The following EBF2 variants were observed in gnomAD, a reference collection of about 807,000 sequenced individuals.
EBF2 encodes EBF transcription factor 2, also known as transcription factor COE2.
A neutral mutation model predicts 72.8 loss-of-function variants in EBF2; 21 were observed. The ratio of observed to expected loss-of-function variants is 0.29; its 90% CI spans 0.20 to 0.42. EBF2 has a LOEUF of 0.42. Among genes scored for constraint, EBF2 ranks in the 10% least tolerant of loss-of-function variants. EBF2 has a pLI of 1.00. For missense variants in EBF2, 637 were observed against 731.2 expected (o/e 0.87, Z 1.49); for synonymous variants, 299 against 274.2 (o/e 1.09, Z -0.89).
intron 14 of EBF2, 107 bp from the exon 15 acceptor site, chr8:25,850,868 G>T: frequency 1.6e-6 from 2 of 1,273,844 alleles, no homozygotes; most frequent in Non-Finnish European, 2.1e-6. Context: ...CATTGTTCCA[G>T]ATTGCAGGGA....
intron 5 of EBF2, among the ~76,000 whole-genome samples, chr8:26,034,556 G>A (rs1805465470): frequency 6.6e-6 from 1 of 152,212 alleles, no homozygotes; most frequent in African/African-American, 2.4e-5. Flanking sequence ...ACAAATGTGA[G>A]AAGGGCAAAG....
chr8:25,906,929 A>G (rs751492991), intron 7 of EBF2, among the ~76,000 whole-genome samples: 18 of 152,068 alleles, frequency 1.2e-4, no homozygotes, highest in Non-Finnish European at 2.6e-4. Flanking sequence ...TGATGGGGTT[A>G]AAAAATACTA....
At chr8:25,862,181 G>C (rs1228054001) in intron 11 of EBF2, among the ~76,000 whole-genome samples, 1 of 152,120 alleles carries the variant, frequency 6.6e-6, no homozygotes, top group Non-Finnish European at 1.5e-5. Flanking sequence ...CTAATAAATT[G>C]ATGTACTTTT....
intron 10 of EBF2, among the ~76,000 whole-genome samples, chr8:25,874,423 GT>G (rs35644463): frequency 0.26 from 39,997 of 151,590 alleles, 5,672 homozygotes; most frequent in South Asian, 0.4. Context: ...AAAAAAAATT[GT>G]TTTTTTGCCA....
chr8:25,978,892 G>C (rs1390382679), intron 6 of EBF2, among the ~76,000 whole-genome samples: 1 of 152,176 alleles, frequency 6.6e-6, no homozygotes, highest in Admixed American at 6.5e-5. Flanking sequence ...GGTAAATAAA[G>C]GGTCTGACGC....
At chr8:26,012,447 G>A (rs1805040265) in intron 6 of EBF2, among the ~76,000 whole-genome samples, 2 of 152,166 alleles carry the variant, frequency 1.3e-5, no homozygotes, top group Non-Finnish European at 2.9e-5. Flanking sequence ...AATCATTTCA[G>A]TAATTCCTGA....
intron 6 of EBF2, among the ~76,000 whole-genome samples, chr8:25,983,125 T>C (rs2117201100): frequency 6.6e-6 from 1 of 152,232 alleles, no homozygotes; most frequent in East Asian, 1.9e-4. Context: ...TTTTTACAAG[T>C]TAAAGACGGA....
intron 6 of EBF2, among the ~76,000 whole-genome samples, chr8:26,031,088 A>G (rs1805395996): frequency 6.6e-6 from 1 of 152,226 alleles, no homozygotes; most frequent in Admixed American, 6.5e-5. Context: ...GAGTATTTAC[A>G]GATTTGCAAA....
chr8:25,872,100 T>C (rs773055029), intron 10 of EBF2, among the ~76,000 whole-genome samples: 2 of 152,180 alleles, frequency 1.3e-5, no homozygotes, highest in African/African-American at 4.8e-5. Context: ...CTTATACTTC[T>C]ACTTCTGTTT....
chr8:25,887,740 T>C, intron 9 of EBF2, 102 bp downstream of exon 9: 1 of 1,334,224 alleles, frequency 7.5e-7, no homozygotes, highest in African/African-American at 1.5e-5. Flanking sequence ...TGATTTACTA[T>C]GACTTTTATG....
At chr8:25,921,191 T>A (rs938168436) in intron 6 of EBF2, among the ~76,000 whole-genome samples, 1 of 152,212 alleles carries the variant, frequency 6.6e-6, no homozygotes, top group Non-Finnish European at 1.5e-5. Context: ...TCAGATGCAT[T>A]TGCCAAACCC....
chr8:25,861,451 A>G, intron 11 of EBF2, 77 bp from the exon 12 acceptor site: 3 of 1,545,648 alleles, frequency 1.9e-6, no homozygotes, highest in Non-Finnish European at 2.7e-6. Context: ...ATAGGCAAAA[A>G]TGAGAAATCC....
intron 7 of EBF2, among the ~76,000 whole-genome samples, chr8:25,897,856 C>T (rs1287739505): frequency 6.6e-6 from 1 of 152,134 alleles, no homozygotes; most frequent in East Asian, 1.9e-4. Context: ...AGAACAATTT[C>T]CTTTCCTTTG....
At chr8:25,985,473 C>A (rs2117203502) in intron 6 of EBF2, among the ~76,000 whole-genome samples, 1 of 152,268 alleles carries the variant, frequency 6.6e-6, no homozygotes, top group Non-Finnish European at 1.5e-5. Flanking sequence ...TGAGAACATA[C>A]TTTCTGAACA....
chr8:26,026,621 A>G (rs1361449263), intron 6 of EBF2, among the ~76,000 whole-genome samples: 2 of 152,148 alleles, frequency 1.3e-5, no homozygotes, highest in Non-Finnish European at 2.9e-5. Context: ...GTTGAATGTG[A>G]CTCACACAAT....
intron 6 of EBF2, among the ~76,000 whole-genome samples, chr8:25,964,956 C>A (rs1804090941): frequency 6.6e-6 from 1 of 152,148 alleles, no homozygotes; most frequent in East Asian, 1.9e-4. Flanking sequence ...GTTTTCCTTA[C>A]TGATTTCTGT....
intron 5 of EBF2, 81 bp downstream of exon 5, chr8:26,039,947 G>T: frequency 6.7e-7 from 1 of 1,500,496 alleles, no homozygotes; most frequent in East Asian, 2.3e-5. Flanking sequence ...CTGAAAGTTA[G>T]TCCCGGGAAC....
At chr8:25,904,991 T>C (rs1803011762) in intron 7 of EBF2, among the ~76,000 whole-genome samples, 1 of 152,018 alleles carries the variant, frequency 6.6e-6, no homozygotes, top group Non-Finnish European at 1.5e-5. Flanking sequence ...CTCTTACAGC[T>C]CAACAATAAA....
At chr8:25,914,422 A>G (rs1377664006) in intron 6 of EBF2, among the ~76,000 whole-genome samples, 1 of 152,296 alleles carries the variant, frequency 6.6e-6, no homozygotes, top group East Asian at 1.9e-4. Flanking sequence ...CTGGAGATGA[A>G]GTGCCCTGGA....
Sources: allele counts gnomAD v4.1 joint callset (sites outside exome capture counted in the v4.1 genomes callset), GRCh38; gene constraint gnomAD v4.1.1; transcripts MANE v1.5; gene names NCBI Gene and HGNC (gene_info 2026-07-23, HGNC 2026-07-21).